Variants in TSPAN5 observed in about 807,000 individuals in gnomAD.
The protein encoded by TSPAN5 is tetraspanin-5.
Under a neutral mutation model 37.1 loss-of-function variants are expected in TSPAN5, and 10 were observed. The observed-to-expected ratio is 0.27, with a 90% CI of 0.17 to 0.46. The LOEUF (loss-of-function observed/expected upper bound fraction) is 0.46, where lower values mean the gene tolerates loss of function less well. TSPAN5 is among the 20% of genes least tolerant of loss of function. TSPAN5 has a pLI of 1.00. For synonymous variants in TSPAN5, 110 were observed against 118.9 expected (o/e 0.93, Z 0.48); for missense variants, 195 against 326.6 (o/e 0.60, Z 3.11).
At chr4:98,599,262 T>G (rs1755828001) in intron 1 of TSPAN5, among the ~76,000 whole-genome samples, 1 of 152,136 alleles carries the variant, frequency 6.6e-6, no homozygotes, top group Non-Finnish European at 1.5e-5. Context: ...TGCGTCAGCC[T>G]CCTGAGTAGG....
intron 1 of TSPAN5, among the ~76,000 whole-genome samples, chr4:98,577,012 C>A (rs191393809): frequency 1.8e-4 from 28 of 152,282 alleles, no homozygotes; most frequent in Admixed American, 2.6e-4. Context: ...CTGCCCACCT[C>A]GGCCTCCCAA....
At position 98,471,280 on chromosome 4, in the gene TSPAN5, C is replaced by A. The variant is rs918461648; in HGVS notation, c.*1242G>T. On this transcript the variant is annotated 3_prime_UTR_variant, in exon 8 of 8. Transcript: ENST00000305798. ...AACCATTAGAAGCTTTTGACTGGGT[C>A]AATGTTGTTTCCAAATTGGGTTTAA... 4 of 152,178 alleles carry A rather than the reference C, an allele frequency of 2.6e-5. No individual in the cohort carries two copies. The highest frequency in any genetic ancestry group is 6.8e-3 in the Middle Eastern group (2 of 294). 9.4% of individuals were successfully genotyped at this position (152,178 alleles called of 1,614,324 possible). A position where few individuals can be genotyped will look rare whatever the true frequency, so the allele number is the denominator to read the frequency against.
At chr4:98,640,200 T>C (rs963380017) in intron 1 of TSPAN5, among the ~76,000 whole-genome samples, 37 of 152,232 alleles carry the variant, frequency 2.4e-4, no homozygotes, top group African/African-American at 8.2e-4. Context: ...AAATGAAGTA[T>C]ATATTAATAA....
At chr4:98,522,904 AT>A (rs1753885724) in intron 1 of TSPAN5, among the ~76,000 whole-genome samples, 1 of 152,198 alleles carries the variant, frequency 6.6e-6, no homozygotes, top group African/African-American at 2.4e-5. Context: ...AATGGAATGG[AT>A]TCCTTTCAAC....
At chr4:98,510,764 A>C (rs1753585160) in intron 1 of TSPAN5, among the ~76,000 whole-genome samples, 1 of 152,194 alleles carries the variant, frequency 6.6e-6, no homozygotes, top group Non-Finnish European at 1.5e-5. Context: ...CACAATTTGA[A>C]GTTAAGGGAA....
At chr4:98,533,670 C>T (rs1404350764) in intron 1 of TSPAN5, among the ~76,000 whole-genome samples, 2 of 146,330 alleles carry the variant, frequency 1.4e-5, no homozygotes, top group Non-Finnish European at 3.0e-5. Flanking sequence ...CCTGCCTCAG[C>T]CTCCCAAGTA....
At chr4:98,543,419 A>AT (rs55834948) in intron 1 of TSPAN5, among the ~76,000 whole-genome samples, 105,802 of 147,706 alleles carry the variant, frequency 0.72, 37,871 homozygotes, top group South Asian at 0.85. Flanking sequence ...CTACTTTAGA[A>AT]TTTTTTTTTT....
intron 1 of TSPAN5, among the ~76,000 whole-genome samples, chr4:98,509,289 C>T (rs1306936554): frequency 6.6e-6 from 1 of 152,070 alleles, no homozygotes; most frequent in East Asian, 1.9e-4. Flanking sequence ...CAGGGAAATC[C>T]GAGACCTGCC....
intron 1 of TSPAN5, among the ~76,000 whole-genome samples, chr4:98,526,315 G>C (rs846003): frequency 6.6e-6 from 1 of 152,152 alleles, no homozygotes; most frequent in African/African-American, 2.4e-5. Flanking sequence ...TCCAAGGCAG[G>C]CCAGGTGAAA....
intron 1 of TSPAN5, among the ~76,000 whole-genome samples, chr4:98,521,231 G>T (rs1164836569): frequency 1.3e-5 from 2 of 152,174 alleles, no homozygotes; most frequent in Non-Finnish European, 2.9e-5. Context: ...TATCAGCAAG[G>T]CACTGACATT....
chr4:98,558,005 G>A (rs1247951545), intron 1 of TSPAN5, among the ~76,000 whole-genome samples: 1 of 152,094 alleles, frequency 6.6e-6, no homozygotes, highest in East Asian at 1.9e-4. Context: ...GTGAGATCCT[G>A]GAACAGAAAA....
intron 1 of TSPAN5, among the ~76,000 whole-genome samples, chr4:98,542,250 C>A (rs1329814148): frequency 6.6e-6 from 1 of 152,234 alleles, no homozygotes; most frequent in Non-Finnish European, 1.5e-5. Flanking sequence ...ATCCGTTCCA[C>A]CCATGGAGCT....
intron 2 of TSPAN5, among the ~76,000 whole-genome samples, chr4:98,495,173 C>A (rs192811714): frequency 2.6e-5 from 4 of 152,302 alleles, no homozygotes; most frequent in Non-Finnish European, 1.5e-5. Flanking sequence ...TATGTTCTAT[C>A]CCCGTTAGAT....
intron 1 of TSPAN5, among the ~76,000 whole-genome samples, chr4:98,599,718 T>A (rs1027682815): frequency 6.6e-6 from 1 of 152,212 alleles, no homozygotes; most frequent in African/African-American, 2.4e-5. Context: ...GACTGCACAA[T>A]TTTTCTGGAA....
rs111512429 is a variant in TSPAN5, at chr4:98,553,551, G to A, written c.82-45823C>T. Among the ~76,000 whole-genome samples the A allele has an allele frequency of 6.5e-3, 993 of 152,224 alleles. 5 individuals carry two copies. Among genetic ancestry groups the A allele is most frequent in the African/African-American group, 0.023 (958 of 41,532 alleles). On this transcript the variant is annotated intron_variant, in intron 1 of 7. Coordinates refer to ENST00000305798, the MANE Select transcript of TSPAN5 (RefSeq NM_005723.4). ...TGATATGTTTGTCCATTAAAACTTC[G>A]TAAGAATGGGCTCCCTCCATGAAAA...
intron 2 of TSPAN5, among the ~76,000 whole-genome samples, chr4:98,496,952 G>C (rs1247498655): frequency 1.3e-5 from 2 of 152,132 alleles, no homozygotes; most frequent in African/African-American, 4.8e-5. Context: ...GTAGTATTTT[G>C]AGGTGGGGCC....
chr4:98,655,088 GTCC>G (rs1366034787), intron 1 of TSPAN5, among the ~76,000 whole-genome samples: 4 of 152,200 alleles, frequency 2.6e-5, no homozygotes, highest in African/African-American at 9.6e-5. Flanking sequence ...CTTGTGATCC[GTCC>G]ACCTCAGCCT....
chr4:98,545,505 T>C (rs939300539), intron 1 of TSPAN5, among the ~76,000 whole-genome samples: 2 of 152,200 alleles, frequency 1.3e-5, no homozygotes, highest in Non-Finnish European at 2.9e-5. Context: ...TTCATGCTTT[T>C]GAACATAGGG....
At chr4:98,563,179 A>C (rs1754916419) in intron 1 of TSPAN5, among the ~76,000 whole-genome samples, 1 of 152,158 alleles carries the variant, frequency 6.6e-6, no homozygotes, top group South Asian at 2.1e-4. Flanking sequence ...TAATTCATCA[A>C]AGTCATCACA....
Sources: allele counts gnomAD v4.1 joint callset (sites outside exome capture counted in the v4.1 genomes callset), GRCh38; gene constraint gnomAD v4.1.1; transcripts MANE v1.5; gene names NCBI Gene and HGNC (gene_info 2026-07-23, HGNC 2026-07-21).